SUCNR1: variants seen among roughly 807,000 people sequenced by gnomAD.
SUCNR1 encodes G-protein coupled receptor 91.
A neutral mutation model predicts 2.4 loss-of-function variants in SUCNR1; 5 were observed. The ratio of observed to expected loss-of-function variants is 2.07; its 90% CI spans 1.08 to 4.36. The LOEUF is 4.36. Ranked by LOEUF, SUCNR1 falls within the 30% of genes most tolerant of loss-of-function variation. The probability of loss-of-function intolerance (pLI) is 0.00; values close to 1 mark genes in which losing one functional copy is unlikely to be tolerated. For missense variants in SUCNR1, 373 were observed against 399.2 expected (o/e 0.93, Z 0.56); for synonymous variants, 162 against 143.9 (o/e 1.13, Z -0.90).
rs57096358 is a variant in SUCNR1 at position 151,883,465 on chromosome 3, CATATATATATATATAT to C, written c.*1942_*1957del. 6.5e-4 allele frequency: 52 copies of C among 80,404 alleles called. 2 individuals carry two copies. Among genetic ancestry groups the C allele is most frequent in the Middle Eastern group, 7.6e-3 (1 of 132 alleles). 5.0% of individuals were successfully genotyped at this position (80,404 alleles called of 1,614,324 possible). Reference sequence around the variant, plus strand: ...AATATTTTTTCAAACCATAAACTCACATATATATATATATATATATATATATATATATATATATATG... The same window carrying C: ...AATATTTTTTCAAACCATAAACTCACATATATATATATATATATATATATG... On this transcript the variant is annotated 3_prime_UTR_variant, in exon 3 of 3. Coordinates refer to ENST00000362032, the MANE Select transcript of SUCNR1 (RefSeq NM_033050.6).
At position 151,883,269 on chromosome 3, in the gene SUCNR1, G is replaced by A. The variant is rs1006910213; in HGVS notation, c.*1721G>A. 6.6e-6 allele frequency: 1 copy of A among 151,504 alleles called. No homozygotes were observed. The highest frequency in any genetic ancestry group is 1.5e-5 in the Non-Finnish European group (1 of 67,796). The allele number at this position is 151,504 out of a possible 1,614,324, so 9.4% of individuals were successfully genotyped here. On this transcript the variant is annotated 3_prime_UTR_variant, in exon 3 of 3. Coordinates refer to ENST00000362032, the MANE Select transcript of SUCNR1 (RefSeq NM_033050.6). ...CCTTATCAGAAAGGGCCACAGAAAA[G>A]GCCTTAAGAAAGAAAGATTCACTTA...
chr3:151,878,738 T>A (rs1470126992), intron 1 of SUCNR1, among the ~76,000 whole-genome samples: 2 of 152,200 alleles, frequency 1.3e-5, no homozygotes, highest in Non-Finnish European at 2.9e-5. Flanking sequence ...GAAAAATGTA[T>A]AATGTTTTAA....
At chr3:151,879,776 C>A (rs1718030754) in intron 1 of SUCNR1, 76 bp from the exon 2 acceptor site, 2 of 596,464 alleles carry the variant, frequency 3.4e-6, no homozygotes, top group Non-Finnish European at 5.7e-6. Flanking sequence ...AAGCAGAATT[C>A]TTTGGCAATA....
In SUCNR1 at chr3:151,879,787, T is replaced by C. The variant is rs1000490987; in HGVS notation, c.-41-65T>C. On this transcript the variant is annotated intron_variant, in intron 1 of 2. Transcript: ENST00000362032. ...CAATAAGCAGAATTCTTTGGCAATA[T>C]GGAAACAAGTAAAAGCTTAAAATAG... The C allele has an allele frequency of 1.3e-5, 9 of 672,946 alleles. No homozygotes were observed. The East Asian group carries it at 2.3e-4, about 17-fold the overall frequency. The allele number at this position is 672,946 out of a possible 1,614,324, so 41.7% of individuals were successfully genotyped here. A position where few individuals can be genotyped will look rare whatever the true frequency, so the allele number is the denominator to read the frequency against.
At chr3:151,875,429 T>C (rs1322977839) in intron 1 of SUCNR1, among the ~76,000 whole-genome samples, 1 of 152,162 alleles carries the variant, frequency 6.6e-6, no homozygotes, top group African/African-American at 2.4e-5. Flanking sequence ...AAATTTTGTA[T>C]CCTAGTGAAG....
chr3:151,881,033 G>A lies in SUCNR1; in HGVS notation c.490G>A (p.Val164Ile), dbSNP rs771826111. Residue 164 changes from valine (V) to isoleucine (I), a missense_variant, in exon 3 of 3, where the codon GTT (valine) becomes ATT (isoleucine). Coordinates refer to ENST00000362032, the MANE Select transcript of SUCNR1 (RefSeq NM_033050.6). ...ACCCATACTTCCCCTTATAAATCCT[G>A]TTATAACTGACAATGGCACCACCTG... ...LLPILPLINP[V>I]ITDNGTTCND... is the part of the protein sequence containing the mutation. 2 of 1,614,124 alleles carry A rather than the reference G, an allele frequency of 1.2e-6. No individual in the cohort carries two copies. Among genetic ancestry groups the A allele is most frequent in the Non-Finnish European group, 1.7e-6 (2 of 1,180,014 alleles).
intron 1 of SUCNR1, among the ~76,000 whole-genome samples, chr3:151,877,032 T>C (rs908246824): frequency 6.6e-6 from 1 of 152,132 alleles, no homozygotes; most frequent in African/African-American, 2.4e-5. Context: ...TCAGACAGCC[T>C]ACCTTGGGAA....
chr3:151,878,810 T>C (rs1218896273), intron 1 of SUCNR1, among the ~76,000 whole-genome samples: 1 of 152,200 alleles, frequency 6.6e-6, no homozygotes, highest in African/African-American at 2.4e-5. Context: ...CTGTGACTTA[T>C]TTTCATAAAT....
intron 1 of SUCNR1, among the ~76,000 whole-genome samples, chr3:151,874,350 G>C (rs993862524): frequency 2.0e-5 from 3 of 150,610 alleles, no homozygotes; most frequent in Admixed American, 1.3e-4. Flanking sequence ...ATTTTTTTTG[G>C]ATTTTTTAGT....
chr3:151,874,139 TATATA>T (rs1717838132), intron 1 of SUCNR1, among the ~76,000 whole-genome samples: 4 of 58,006 alleles, frequency 6.9e-5, no homozygotes, highest in Non-Finnish European at 1.1e-4. Context: ...TATATATATA[TATATA>T]TATTTTTTTT....
intron 1 of SUCNR1, among the ~76,000 whole-genome samples, chr3:151,874,300 G>A (rs1407196915): frequency 6.6e-6 from 1 of 151,312 alleles, no homozygotes; most frequent in Non-Finnish European, 1.5e-5. Flanking sequence ...TCAGCCTGCA[G>A]AGTAGCTAGG....
At chr3:151,874,435 C>T (rs1216111269) in intron 1 of SUCNR1, among the ~76,000 whole-genome samples, 1 of 151,928 alleles carries the variant, frequency 6.6e-6, no homozygotes, top group Non-Finnish European at 1.5e-5. Flanking sequence ...ATCTCGGCCT[C>T]TCCAAGTGTT....
chr3:151,875,133 G>A (rs1717886112), intron 1 of SUCNR1, among the ~76,000 whole-genome samples: 1 of 151,850 alleles, frequency 6.6e-6, no homozygotes, highest in African/African-American at 2.4e-5. Context: ...TTTTGGACTG[G>A]AAACTAAAGA....
chr3:151,880,712 A>C lies in SUCNR1; in HGVS notation c.169A>C (p.Ser57Arg). The change falls in exon 3 of 3, where the codon AGC becomes CGC. Residue 57 changes from serine (S) to arginine (R), a missense_variant. Ser to Arg is a moderately radical substitution (Grantham distance 110). Transcript: ENST00000362032. The stretch of plus-strand genomic sequence containing the variant: ...CATCTTCTCTCTGAAGAACTGGAAC[A>C]GCAGTAATATTTATCTCTTTAACCT... ...GYIFSLKNWN[S>R]SNIYLFNLSV... The C allele has an allele frequency of 6.2e-7, 1 of 1,614,166 alleles. No homozygotes were observed. Among genetic ancestry groups the C allele is most frequent in the Non-Finnish European group, 8.5e-7 (1 of 1,179,992 alleles).
chr3:151,880,776 T>G lies in SUCNR1; in HGVS notation c.233T>G (p.Met78Arg). 1 of 1,614,124 alleles carries G rather than the reference T, an allele frequency of 6.2e-7. No homozygotes were observed. The highest frequency in any genetic ancestry group is 8.5e-7 in the Non-Finnish European group (1 of 1,179,990). Residue 78 changes from methionine (M) to arginine (R), a missense_variant, in exon 3 of 3, where the codon ATG becomes AGG. Around this residue, in one of 3 missense-constraint regions of SUCNR1, gnomAD observed 184 missense variants for 162.2 expected, o/e 1.13. Coordinates refer to ENST00000362032, the MANE Select transcript of SUCNR1 (RefSeq NM_033050.6). The stretch of plus-strand genomic sequence containing the variant: ...TTAGCTTTTCTGTGCACCCTCCCCA[T>G]GCTGATAAGGAGTTATGCCAATGGA... Reference protein sequence around the residue: ...SDLAFLCTLPMLIRSYANGNW... With the variant: ...SDLAFLCTLPRLIRSYANGNW...
intron 1 of SUCNR1, among the ~76,000 whole-genome samples, chr3:151,874,594 G>C (rs1319340662): frequency 2.0e-5 from 3 of 151,998 alleles, no homozygotes; most frequent in Non-Finnish European, 4.4e-5. Flanking sequence ...ATTTACTTAG[G>C]AAAAATGAAA....
At chr3:151,879,182 T>C (rs1238554452) in intron 1 of SUCNR1, among the ~76,000 whole-genome samples, 2 of 152,200 alleles carry the variant, frequency 1.3e-5, no homozygotes, top group African/African-American at 2.4e-5. Context: ...CCAATCACAA[T>C]CTGGCCTCTT....
At chr3:151,880,491 G>A in intron 2 of SUCNR1, 68 bp from the exon 3 acceptor site, 2 of 1,153,038 alleles carry the variant, frequency 1.7e-6, no homozygotes, top group Non-Finnish European at 1.2e-6. Flanking sequence ...TTATTATTAT[G>A]TTCTGCACAG....
intron 1 of SUCNR1, among the ~76,000 whole-genome samples, chr3:151,875,399 T>G (rs1717893140): frequency 6.6e-6 from 1 of 152,182 alleles, no homozygotes; most frequent in Non-Finnish European, 1.5e-5. Flanking sequence ...ACATATCCAA[T>G]TTGAAATATA....
Sources: allele counts gnomAD v4.1 joint callset (sites outside exome capture counted in the v4.1 genomes callset), GRCh38; gene constraint gnomAD v4.1.1; regional missense constraint gnomAD v4.1.1; transcripts MANE v1.5; gene names NCBI Gene and HGNC (gene_info 2026-07-23, HGNC 2026-07-21).